FIP1L1: variants seen among roughly 807,000 people sequenced by gnomAD.
The protein encoded by FIP1L1 is pre-mRNA 3'-end-processing factor FIP1.
A neutral mutation model predicts 84.6 loss-of-function variants in FIP1L1; 21 were observed. The observed-to-expected ratio is 0.25, with a 90% CI of 0.18 to 0.36. FIP1L1 has a LOEUF of 0.36. Ranked by LOEUF, FIP1L1 falls within the 10% of genes least tolerant of loss-of-function variation. The probability of loss-of-function intolerance (pLI) is 1.00; values close to 1 mark genes in which losing one functional copy is unlikely to be tolerated. For synonymous variants in FIP1L1, 263 were observed against 242.3 expected, an observed-to-expected ratio of 1.09 and a Z score of -0.80; for missense variants, 526 against 751.1, an observed-to-expected ratio of 0.70 and a Z score of 3.50.
chr4:53,381,640 G>A (rs1737930755), intron 3 of FIP1L1, among the ~76,000 whole-genome samples: 1 of 151,274 alleles, frequency 6.6e-6, no homozygotes, highest in Non-Finnish European at 1.5e-5. Context: ...AATTGATTTA[G>A]GATAATTAAA....
chr4:53,380,206 T>C (rs1356698192), intron 3 of FIP1L1, among the ~76,000 whole-genome samples: 1 of 152,170 alleles, frequency 6.6e-6, no homozygotes, highest in African/African-American at 2.4e-5. Context: ...TTATTCTTAA[T>C]AGAAAGTGGA....
intron 9 of FIP1L1, among the ~76,000 whole-genome samples, chr4:53,397,897 T>G (rs536770192): frequency 6.6e-6 from 1 of 152,312 alleles, no homozygotes; most frequent in East Asian, 1.9e-4. Flanking sequence ...GTTTTGGCCA[T>G]GGTAACTTTG....
rs113583200 is a variant in FIP1L1, at chr4:53,435,993, A to G, written c.1175-6660A>G. Among the ~76,000 whole-genome samples the G allele has an allele frequency of 6.7e-3, 1,013 of 152,318 alleles. 12 individuals carry two copies. Among genetic ancestry groups the G allele is most frequent in the African/African-American group, 0.023 (976 of 41,560 alleles). ...ATGGCTTTGAAATACAAGTCATGAGACTTAAGGAAAGTGATCAAGTTTATC... is the reference window on the plus strand; with the variant it reads ...ATGGCTTTGAAATACAAGTCATGAGGCTTAAGGAAAGTGATCAAGTTTATC... On this transcript the variant is annotated intron_variant, in intron 13 of 17. Coordinates refer to ENST00000337488, the MANE Select transcript of FIP1L1 (RefSeq NM_030917.4).
At chr4:53,414,758 G>A in intron 11 of FIP1L1, 36 bp downstream of exon 11, 2 of 1,346,326 alleles carry the variant, frequency 1.5e-6, no homozygotes, top group Non-Finnish European at 2.1e-6. Context: ...ACTCCCTGAT[G>A]TTTAGATCAT....
At chr4:53,394,355 C>T (rs529825902) in intron 9 of FIP1L1, among the ~76,000 whole-genome samples, 200 of 152,280 alleles carry the variant, frequency 1.3e-3, no homozygotes, top group Non-Finnish European at 2.0e-3. Context: ...TGATTGGAAG[C>T]TCTGTACATC....
At chr4:53,398,071 T>C (rs1176006074) in intron 9 of FIP1L1, among the ~76,000 whole-genome samples, 1 of 152,222 alleles carries the variant, frequency 6.6e-6, no homozygotes, top group Admixed American at 6.5e-5. Context: ...ATTTTTTTCA[T>C]AATATTTATT....
chr4:53,402,945 A>G (rs1386809019), intron 10 of FIP1L1, among the ~76,000 whole-genome samples: 1 of 152,202 alleles, frequency 6.6e-6, no homozygotes, highest in Non-Finnish European at 1.5e-5. Context: ...TGGAATGGGA[A>G]TAATTGAAAG....
chr4:53,394,051 A>T (rs1186762784), intron 9 of FIP1L1, among the ~76,000 whole-genome samples: 2 of 151,392 alleles, frequency 1.3e-5, no homozygotes, highest in Non-Finnish European at 2.9e-5. Context: ...TTATTCTTAT[A>T]ATGTTATTGT....
chr4:53,417,206 C>A (rs1310725035), intron 11 of FIP1L1, among the ~76,000 whole-genome samples: 1 of 152,094 alleles, frequency 6.6e-6, no homozygotes, highest in Non-Finnish European at 1.5e-5. Flanking sequence ...TATAGCAACT[C>A]CATCTATACC....
At chr4:53,379,668 A>G (rs2149240501) in intron 3 of FIP1L1, among the ~76,000 whole-genome samples, 1 of 152,326 alleles carries the variant, frequency 6.6e-6, no homozygotes, top group East Asian at 1.9e-4. Context: ...TTGATGATAT[A>G]ATGGCAGTTT....
intron 7 of FIP1L1, among the ~76,000 whole-genome samples, 178 bp downstream of exon 7, chr4:53,390,806 A>C (rs1440705378): frequency 6.6e-6 from 1 of 152,184 alleles, no homozygotes; most frequent in Non-Finnish European, 1.5e-5. Context: ...GTATTACTTA[A>C]AATGTAGACT....
chr4:53,416,333 C>T (rs1478076758), intron 11 of FIP1L1, among the ~76,000 whole-genome samples: 4 of 152,174 alleles, frequency 2.6e-5, no homozygotes, highest in Non-Finnish European at 4.4e-5. Context: ...TGTTTTGTTG[C>T]ATAAGTATTG....
intron 1 of FIP1L1, chr4:53,378,815 C>G: frequency 4.2e-6 from 2 of 478,506 alleles, no homozygotes; most frequent in Non-Finnish European, 3.7e-6. Flanking sequence ...TAAAAGTGCA[C>G]TTTGGGCACC....
intron 9 of FIP1L1, among the ~76,000 whole-genome samples, chr4:53,395,063 A>G (rs969267836): frequency 1.3e-5 from 2 of 152,210 alleles, no homozygotes; most frequent in African/African-American, 2.4e-5. Flanking sequence ...ATTTGTTTTT[A>G]GAAAATTAGT....
At chr4:53,440,417 C>T (rs1249390263) in intron 13 of FIP1L1, among the ~76,000 whole-genome samples, 1 of 151,890 alleles carries the variant, frequency 6.6e-6, no homozygotes, top group Non-Finnish European at 1.5e-5. Flanking sequence ...ATGTTATACT[C>T]GAATTGTTAG....
rs1560587116 is a variant in FIP1L1 at position 53,453,020 on chromosome 4, T to C, written c.1386T>C (p.Asp462=). The part of the protein sequence containing the change: ...DYYARREKDR[D]RERDRDRERD... ...ATGCCAGAAGAGAGAAAGACCGAGATAGAGAGAGAGACAGAGACAGAGAGC... is the reference window on the plus strand; with the variant it reads ...ATGCCAGAAGAGAGAAAGACCGAGACAGAGAGAGAGACAGAGACAGAGAGC... Residue 462 remains aspartate, a synonymous_variant, in exon 16 of 18, where the codon GAT becomes GAC. Transcript: ENST00000337488. 1 of 1,612,622 alleles carries C rather than the reference T, an allele frequency of 6.2e-7. No homozygotes were observed. The highest frequency in any genetic ancestry group is 8.5e-7 in the Non-Finnish European group (1 of 1,179,298).
chr4:53,431,287 T>TTG (rs1491283377), intron 13 of FIP1L1, among the ~76,000 whole-genome samples: 2 of 152,150 alleles, frequency 1.3e-5, no homozygotes, highest in Non-Finnish European at 2.9e-5. Context: ...ATGATTACAC[T>TTG]ATGTTCCGTA....
rs576169299 is a variant in FIP1L1 at position 53,390,870 on chromosome 4, T to C, written c.506-139T>C. 1.2e-3 allele frequency: 891 copies of C among 736,538 alleles called. 13 individuals carry two copies. In the South Asian group the frequency reaches 0.021, roughly 17 times the overall value. The allele number at this position is 736,538 out of a possible 1,614,324, so 45.6% of individuals were successfully genotyped here. On this transcript the variant is annotated intron_variant, in intron 7 of 17. Coordinates refer to ENST00000337488, the MANE Select transcript of FIP1L1 (RefSeq NM_030917.4). ...GGGAATAATTTGATCAAAAATGATA[T>C]AGTCTTTTTGCCACCATAAATGATA... is the stretch of plus-strand genomic sequence containing the variant.
intron 3 of FIP1L1, among the ~76,000 whole-genome samples, chr4:53,380,918 A>G (rs1175868312): frequency 6.6e-6 from 1 of 152,060 alleles, no homozygotes; most frequent in Non-Finnish European, 1.5e-5. Flanking sequence ...TTTTATTTTT[A>G]TTGGTTACAA....
Sources: gnomAD v4.1 joint callset for allele counts (sites outside exome capture counted in the v4.1 genomes callset) on GRCh38, gnomAD v4.1.1 for gene constraint, MANE v1.5 for transcripts, NCBI Gene and HGNC (gene_info 2026-07-23, HGNC 2026-07-21) for gene names.